KIR3DL2: variants seen among roughly 807,000 people sequenced by gnomAD.
KIR3DL2 encodes the protein killer cell immunoglobulin like receptor, three Ig domains and long cytoplasmic tail 2, also known as killer cell immunoglobulin-like receptor 3DL2.
KIR3DL2 carries 42 observed loss-of-function variants against 41.6 expected under a neutral mutation model. The ratio of observed to expected loss-of-function variants is 1.01; its 90% confidence interval spans 0.79 to 1.31. The LOEUF (loss-of-function observed/expected upper bound fraction) is 1.31. Among genes scored for constraint, KIR3DL2 ranks in the 50% most tolerant of loss-of-function variants. KIR3DL2 has a pLI of 0.00. For missense variants in KIR3DL2, 728 were observed against 576.8 expected (o/e 1.26, Z -2.68); for synonymous variants, 230 against 221.3 (o/e 1.04, Z -0.35).
At position 54,852,249 on chromosome 19, in the gene KIR3DL2, G is replaced by A. The variant is rs654686; in HGVS notation, c.322G>A (p.Ala108Thr). The change falls in exon 3 of 9, where the codon GCA (alanine) becomes ACA (threonine). Residue 108 changes from alanine (A) to threonine (T), a missense_variant. By Grantham distance (58) the Ala-to-Thr change is moderately conservative (BLOSUM62 0). Transcript: ENST00000326321. ...SRPHSLTGWS[A>T]PSNPLVIMVT... Reference sequence around the variant, plus strand: ...CCCACACTCCCTCACTGGGTGGTCGGCACCCAGCAACCCCCTGGTGATCAT... The same window carrying A: ...CCCACACTCCCTCACTGGGTGGTCGACACCCAGCAACCCCCTGGTGATCAT... 0.23 allele frequency: 366,311 copies of A among 1,604,538 alleles called. 44,464 individuals carry two copies. Among genetic ancestry groups the A allele is most frequent in the South Asian group, 0.34 (30,960 of 90,958 alleles).
chr19:54,851,632 G>A (rs1214332351), intron 2 of KIR3DL2, among the ~76,000 whole-genome samples: 4 of 151,588 alleles, frequency 2.6e-5, no homozygotes, highest in African/African-American at 4.9e-5. Flanking sequence ...CAGAAGAGGG[G>A]GGAAACCACA....
intron 3 of KIR3DL2, 72 bp from the exon 4 acceptor site, chr19:54,853,675 T>A: frequency 5.8e-6 from 9 of 1,542,010 alleles, no homozygotes; most frequent in Non-Finnish European, 8.0e-6. Flanking sequence ...AGGGGAACCC[T>A]CACTCATTCC....
intron 6 of KIR3DL2, among the ~76,000 whole-genome samples, chr19:54,859,907 C>A (rs1185002464): frequency 2.0e-5 from 3 of 151,964 alleles, no homozygotes; most frequent in Admixed American, 6.5e-5. Flanking sequence ...TCAAAGCCCA[C>A]AAAGACTGGT....
chr19:54,865,668 A>G, intron 6 of KIR3DL2, 137 bp from the exon 7 acceptor site: 2 of 731,404 alleles, frequency 2.7e-6, no homozygotes, highest in Non-Finnish European at 4.7e-6. Context: ...AAAGCAGGAG[A>G]AAGCTGGGTC....
chr19:54,864,373 GT>G (rs1051442462), intron 6 of KIR3DL2, among the ~76,000 whole-genome samples: 6 of 152,176 alleles, frequency 3.9e-5, no homozygotes, highest in African/African-American at 1.4e-4. Context: ...CTTTAAGGTA[GT>G]TTTTTCCAAT....
intron 1 of KIR3DL2, 81 bp from the exon 2 acceptor site, chr19:54,851,139 C>G: frequency 6.4e-7 from 1 of 1,561,130 alleles, no homozygotes; most frequent in Non-Finnish European, 8.8e-7. Context: ...GCCTGGCTGC[C>G]AAGACACACA....
rs531243942 is a variant in KIR3DL2, at chr19:54,867,036, C to A, written c.*305C>A. 5 of 451,730 alleles carry A rather than the reference C, an allele frequency of 1.1e-5. No homozygotes were observed. The highest frequency in any genetic ancestry group is 2.0e-5 in the Non-Finnish European group (5 of 252,750). 28.0% of individuals were successfully genotyped at this position (451,730 alleles called of 1,614,324 possible). A position where few individuals can be genotyped will look rare whatever the true frequency, so the allele number is the denominator to read the frequency against. ...TGAGGAACTCACAATTCCAAACATA[C>A]AAGAGGCTCCCTCTTAACACGGCAC... is the stretch of plus-strand genomic sequence containing the variant. On this transcript the variant is annotated 3_prime_UTR_variant, in exon 9 of 9. Transcript: ENST00000326321.
intron 5 of KIR3DL2, among the ~76,000 whole-genome samples, chr19:54,858,625 G>A (rs2064963968): frequency 6.6e-6 from 1 of 151,466 alleles, no homozygotes; most frequent in Admixed American, 6.6e-5. Context: ...CTACTCAGGA[G>A]TTTGAAGCAA....
intron 6 of KIR3DL2, among the ~76,000 whole-genome samples, chr19:54,863,020 A>C (rs1410108991): frequency 3.2e-5 from 2 of 63,026 alleles, no homozygotes; most frequent in African/African-American, 6.8e-5. Flanking sequence ...CCCACCCCAC[A>C]ACAGTCCCCA....
At chr19:54,853,676 C>G in intron 3 of KIR3DL2, 71 bp from the exon 4 acceptor site, 1 of 1,544,046 alleles carries the variant, frequency 6.5e-7, no homozygotes, top group South Asian at 1.1e-5. Flanking sequence ...GGGGAACCCT[C>G]ACTCATTCCA....
intron 3 of KIR3DL2, among the ~76,000 whole-genome samples, chr19:54,853,044 A>G (rs1357115137): frequency 2.0e-5 from 3 of 151,220 alleles, no homozygotes; most frequent in African/African-American, 7.4e-5. Flanking sequence ...GGGGAGGCAG[A>G]GGTTGCAGTG....
At chr19:54,862,724 C>T (rs1316167822) in intron 6 of KIR3DL2, among the ~76,000 whole-genome samples, 2 of 150,644 alleles carry the variant, frequency 1.3e-5, no homozygotes, top group African/African-American at 4.9e-5. Flanking sequence ...TGTTCTGAGA[C>T]GTTCCTCCTG....
rs1233238454 is a variant in KIR3DL2, at chr19:54,867,032, C to T, written c.*301C>T. 4 of 479,704 alleles carry T rather than the reference C, an allele frequency of 8.3e-6. No homozygotes were observed. Among genetic ancestry groups the T allele is most frequent in the Non-Finnish European group, 1.5e-5 (4 of 269,910 alleles). 29.7% of individuals were successfully genotyped at this position (479,704 alleles called of 1,614,324 possible). On this transcript the variant is annotated 3_prime_UTR_variant, in exon 9 of 9. Coordinates refer to ENST00000326321, the MANE Select transcript of KIR3DL2 (RefSeq NM_006737.4). ...ACACTGAGGAACTCACAATTCCAAA[C>T]ATACAAGAGGCTCCCTCTTAACACG...
At chr19:54,861,940 C>G (rs1292015018) in intron 6 of KIR3DL2, among the ~76,000 whole-genome samples, 2 of 151,992 alleles carry the variant, frequency 1.3e-5, no homozygotes, top group Non-Finnish European at 2.9e-5. Context: ...CTCACCCCTA[C>G]TTCCAATCAC....
intron 6 of KIR3DL2, among the ~76,000 whole-genome samples, chr19:54,863,149 T>C (rs2065295781): frequency 6.6e-6 from 1 of 151,508 alleles, no homozygotes; most frequent in Non-Finnish European, 1.5e-5. Flanking sequence ...AATGATGATT[T>C]CCAATTTCAT....
chr19:54,851,900 G>A lies in KIR3DL2; in HGVS notation c.71-98G>A, dbSNP rs2064276018. The A allele has an allele frequency of 4.1e-6, 6 of 1,470,204 alleles. No homozygotes were observed. The East Asian group carries it at 1.2e-4, about 30-fold the overall frequency. 91.1% of individuals were successfully genotyped at this position (1,470,204 alleles called of 1,614,324 possible). On this transcript the variant is annotated intron_variant, in intron 2 of 8. Coordinates refer to ENST00000326321, the MANE Select transcript of KIR3DL2 (RefSeq NM_006737.4). Reference sequence around the variant, plus strand: ...AGCCCTGGGCACCCAGGTGTGGTAGGAGCCTTAGAAAGCGGAAATGGGAGA... The same window carrying A: ...AGCCCTGGGCACCCAGGTGTGGTAGAAGCCTTAGAAAGCGGAAATGGGAGA...
At position 54,855,601 on chromosome 19, in the gene KIR3DL2, T is replaced by A. The variant is rs2064682626; in HGVS notation, c.656-18T>A. On this transcript the variant is annotated intron_variant, in intron 4 of 8. Transcript: ENST00000326321. ...CAAGGAAGAACCTCCCTGAGGAAAC[T>A]GCCTCTTCTCCTTCCAGGTCTATAT... The A allele has an allele frequency of 1.9e-6, 3 of 1,608,106 alleles. No homozygotes were observed. Among genetic ancestry groups the A allele is most frequent in the Non-Finnish European group, 2.5e-6 (3 of 1,178,556 alleles).
chr19:54,851,220 G>T lies in KIR3DL2; in HGVS notation c.35G>T (p.Gly12Val). The part of the protein sequence containing the change: ...SLTVVSMACV[G>V]FFLLQGAWPL... ...CGTCTATCATGATCTTTCTTTCCAG[G>T]GTTCTTCTTGCTGCAGGGGGCCTGG... is the stretch of plus-strand genomic sequence containing the variant. Residue 12 changes from glycine (G) to valine (V), a missense_variant and splice_region_variant, in exon 2 of 9, where the codon GGG (glycine) becomes GTG (valine). Transcript: ENST00000326321. 2 of 1,610,670 alleles carry T rather than the reference G, an allele frequency of 1.2e-6. No individual in the cohort carries two copies. Among genetic ancestry groups the T allele is most frequent in the African/African-American group, 1.3e-5 (1 of 74,164 alleles).
rs1601744833 is a variant in KIR3DL2 at position 54,853,764 on chromosome 19, T to A, written c.373T>A (p.Ser125Thr). ...IMVTGNHRKP[S>T]LLAHPGPLLK... ...CTTTCTAGGAAACCACAGAAAACCT[T>A]CCCTCCTGGCCCACCCAGGGCCCCT... The change falls in exon 4 of 9, where the codon TCC becomes ACC. Residue 125 changes from serine (S) to threonine (T), a missense_variant. Coordinates refer to ENST00000326321, the MANE Select transcript of KIR3DL2 (RefSeq NM_006737.4). The A allele has an allele frequency of 3.1e-6, 5 of 1,610,382 alleles. No individual in the cohort carries two copies. Among genetic ancestry groups the A allele is most frequent in the South Asian group, 1.1e-5 (1 of 91,054 alleles).
Sources: allele counts gnomAD v4.1 joint callset (sites outside exome capture counted in the v4.1 genomes callset), GRCh38; gene constraint gnomAD v4.1.1; transcripts MANE v1.5; gene names NCBI Gene and HGNC (gene_info 2026-07-23, HGNC 2026-07-21).